The following FAM216A variants were observed in gnomAD, a reference collection of about 807,000 sequenced individuals.
FAM216A encodes family with sequence similarity 216 member A.
Under a neutral mutation model 37.6 loss-of-function variants are expected in FAM216A, and 26 were observed. The observed-to-expected ratio is 0.69, with a 90% confidence interval of 0.51 to 0.96. The LOEUF (loss-of-function observed/expected upper bound fraction) is 0.96. Among genes scored for constraint, FAM216A ranks in the 40% least tolerant of loss-of-function variants. The pLI, the probability that FAM216A is intolerant of heterozygous loss-of-function variation, is 0.00. For synonymous variants in FAM216A, 110 were observed against 121.7 expected (o/e 0.90, Z 0.64); for missense variants, 326 against 339.3 (o/e 0.96, Z 0.31).
At chr12:110,474,713 A>G (rs2062705718) in intron 2 of FAM216A, among the ~76,000 whole-genome samples, 1 of 149,758 alleles carries the variant, frequency 6.7e-6, no homozygotes, top group African/African-American at 2.5e-5. Flanking sequence ...AAAAAAAAAA[A>G]AAAAAATGCT....
chr12:110,470,785 A>G (rs1195079792), intron 1 of FAM216A, among the ~76,000 whole-genome samples: 4 of 152,062 alleles, frequency 2.6e-5, no homozygotes, highest in African/African-American at 9.7e-5. Context: ...GTTCATCTCC[A>G]TGCTTCCTTT....
At chr12:110,486,277 C>T (rs1361553069) in intron 3 of FAM216A, 48 bp from the exon 4 acceptor site, 1 of 1,511,030 alleles carries the variant, frequency 6.6e-7, no homozygotes, top group Non-Finnish European at 8.9e-7. Flanking sequence ...ATATTGCCAA[C>T]TTCTCTAATA....
chr12:110,481,119 A>G (rs2062744468), intron 2 of FAM216A, among the ~76,000 whole-genome samples: 1 of 152,142 alleles, frequency 6.6e-6, no homozygotes, highest in Non-Finnish European at 1.5e-5. Context: ...TTAAAGCTAA[A>G]TAATATTCCA....
chr12:110,472,999 AAAAAAT>A, intron 1 of FAM216A, 73 bp from the exon 2 acceptor site: 7 of 622,634 alleles, frequency 1.1e-5, no homozygotes, highest in South Asian at 2.8e-5. Context: ...AAAAAAAAAA[AAAAAAT>A]TGAAATATGT....
intron 2 of FAM216A, among the ~76,000 whole-genome samples, chr12:110,482,446 A>C (rs2062752567): frequency 1.3e-5 from 2 of 152,144 alleles, no homozygotes; most frequent in African/African-American, 4.8e-5. Context: ...AAACTACCCA[A>C]ATGTCTATCA....
At chr12:110,475,721 CAAAAA>C (rs112122723) in intron 2 of FAM216A, among the ~76,000 whole-genome samples, 3 of 96,984 alleles carry the variant, frequency 3.1e-5, no homozygotes, top group Non-Finnish European at 2.3e-5. Flanking sequence ...TCACCCCTGG[CAAAAA>C]AAAAAAAAAA....
intron 1 of FAM216A, among the ~76,000 whole-genome samples, chr12:110,472,444 G>A (rs1392299798): frequency 6.6e-6 from 1 of 151,962 alleles, no homozygotes; most frequent in Non-Finnish European, 1.5e-5. Context: ...AGGCGTTTTG[G>A]TGGTCCTGGC....
At chr12:110,469,169 T>C in intron 1 of FAM216A, 151 bp downstream of exon 1, 1 of 938,288 alleles carries the variant, frequency 1.1e-6, no homozygotes, top group Non-Finnish European at 1.5e-6. Context: ...GGGGAGCAGT[T>C]TTGTTGTGGA....
chr12:110,469,260 C>A, intron 1 of FAM216A: 1 of 433,592 alleles, frequency 2.3e-6, no homozygotes, highest in Middle Eastern at 6.1e-4. Flanking sequence ...GGTGCAGTGG[C>A]CACGAGGTGA....
chr12:110,490,224 A>T lies in FAM216A; in HGVS notation c.*87A>T. ...CCTGTATGTTTAGGATGGTATTGTTATTTATTAAATCATTAAGTAATTTTG... is the reference window on the plus strand; with the variant it reads ...CCTGTATGTTTAGGATGGTATTGTTTTTTATTAAATCATTAAGTAATTTTG... On this transcript the variant is annotated 3_prime_UTR_variant, in exon 7 of 7. Coordinates refer to ENST00000377673, the MANE Select transcript of FAM216A (RefSeq NM_013300.3). The T allele has an allele frequency of 1.3e-6, 1 of 757,114 alleles. No homozygotes were observed. The highest frequency in any genetic ancestry group is 2.4e-6 in the Non-Finnish European group (1 of 425,198). 46.9% of individuals were successfully genotyped at this position (757,114 alleles called of 1,614,324 possible).
intron 6 of FAM216A, 123 bp from the exon 7 acceptor site, chr12:110,489,896 C>T (rs148687621): frequency 1.7e-6 from 1 of 593,772 alleles, no homozygotes; most frequent in African/African-American, 1.9e-5. Flanking sequence ...TGACTAAGAG[C>T]CTTGAAAATT....
chr12:110,488,714 T>C (rs756822), intron 6 of FAM216A, among the ~76,000 whole-genome samples: 150,182 of 152,278 alleles, frequency 0.99, 74,073 homozygotes, highest in East Asian at 1. Context: ...CCCCAGTGGA[T>C]GGCTGAAATC....
chr12:110,478,855 A>G (rs2062729971), intron 2 of FAM216A, among the ~76,000 whole-genome samples: 1 of 152,152 alleles, frequency 6.6e-6, no homozygotes, highest in Non-Finnish European at 1.5e-5. Context: ...TTGTTATGGC[A>G]GCAAAATGAA....
chr12:110,483,370 A>G (rs2062759498), intron 2 of FAM216A, among the ~76,000 whole-genome samples: 1 of 151,286 alleles, frequency 6.6e-6, no homozygotes, highest in African/African-American at 2.4e-5. Context: ...TAATTGTCAG[A>G]GACTATTTTT....
intron 2 of FAM216A, among the ~76,000 whole-genome samples, chr12:110,477,746 C>A (rs190680303): frequency 9.9e-5 from 15 of 151,558 alleles, no homozygotes; most frequent in Non-Finnish European, 1.6e-4. Flanking sequence ...CTCCCTCTGT[C>A]GCGCAGGCTG....
upstream of FAM216A, chr12:110,468,791 C>G (rs1045917143): frequency 1.2e-5 from 17 of 1,460,428 alleles, no homozygotes; most frequent in Non-Finnish European, 1.4e-5. Context: ...AGTGTCCGAA[C>G]GGCTTCGGAG....
intron 3 of FAM216A, 128 bp from the exon 4 acceptor site, chr12:110,486,197 G>C (rs1193676344): frequency 1.1e-6 from 1 of 930,210 alleles, no homozygotes; most frequent in East Asian, 2.6e-5. Context: ...TCAAGTTAAC[G>C]TAGTTGAATT....
In FAM216A at chr12:110,490,174, G is replaced by A; in HGVS notation, c.*37G>A. 3 of 984,902 alleles carry A rather than the reference G, an allele frequency of 3.0e-6. 1 individual carries two copies. The South Asian group carries it at 3.8e-5, about 13-fold the overall frequency. 61.0% of individuals were successfully genotyped at this position (984,902 alleles called of 1,614,324 possible). On this transcript the variant is annotated 3_prime_UTR_variant, in exon 7 of 7. Coordinates refer to ENST00000377673, the MANE Select transcript of FAM216A (RefSeq NM_013300.3). ...CGTGTATTGAATTCGTGCCAAAGGT[G>A]AGGGTAAGGGGTTGTGAGTTGTGTC...
At position 110,486,686 on chromosome 12, in the gene FAM216A, T is replaced by G; in HGVS notation, c.589T>G (p.Ser197Ala). The G allele has an allele frequency of 6.2e-7, 1 of 1,613,900 alleles. No individual in the cohort carries two copies. ...ASAPEMLIQHSLWRPVRNKEG... is the reference protein window; with the variant it reads ...ASAPEMLIQHALWRPVRNKEG... ...TGCACCTGAAATGCTCATACAGCAT[T>G]CCCTTTGGCGGCCAGTGAGAAACAA... The change falls in exon 5 of 7, where the codon TCC (serine) becomes GCC (alanine). Residue 197 changes from serine to alanine, a missense_variant. Transcript: ENST00000377673.
Sources: gnomAD v4.1 joint callset for allele counts (sites outside exome capture counted in the v4.1 genomes callset) on GRCh38, gnomAD v4.1.1 for gene constraint, MANE v1.5 for transcripts, NCBI Gene and HGNC (gene_info 2026-07-23, HGNC 2026-07-21) for gene names.